Variants in KAZN observed in about 807,000 individuals in gnomAD.
The protein encoded by KAZN is kazrin, periplakin interacting protein.
KAZN carries 40 observed loss-of-function variants against 87.4 expected under a neutral mutation model. That is an observed-to-expected ratio of 0.46 (90% CI 0.36 to 0.60). KAZN has a LOEUF of 0.60. Ranked by LOEUF, KAZN falls within the 20% of genes least tolerant of loss-of-function variation. The pLI is 0.00. For missense variants in KAZN, 898 were observed against 1,073.9 expected (o/e 0.84, Z 2.29); for synonymous variants, 466 against 458.3 (o/e 1.02, Z -0.22).
At chr1:15,004,784 G>T (rs556022462) in intron 2 of KAZN, among the ~76,000 whole-genome samples, 3 of 152,072 alleles carry the variant, frequency 2.0e-5, no homozygotes, top group African/African-American at 7.2e-5. Flanking sequence ...CATTGACCAG[G>T]TGAGCAAGTC....
At chr1:14,512,773 T>G (rs1298791851) in intron 2 of KAZN, among the ~76,000 whole-genome samples, 3 of 150,536 alleles carry the variant, frequency 2.0e-5, no homozygotes, top group Admixed American at 2.0e-4. Context: ...GGAGATAAAG[T>G]CAAAGAGCAG....
chr1:14,545,216 G>T (rs1428848730), intron 2 of KAZN, among the ~76,000 whole-genome samples: 2 of 152,194 alleles, frequency 1.3e-5, no homozygotes, highest in Non-Finnish European at 2.9e-5. Context: ...TCTGGATCAT[G>T]TCAATTTCCA....
chr1:14,223,347 C>A (rs1490856559), intron 2 of KAZN, among the ~76,000 whole-genome samples: 1 of 152,194 alleles, frequency 6.6e-6, no homozygotes, highest in South Asian at 2.1e-4. Context: ...TTTTTCCTGG[C>A]ACAGGCTGTG....
At chr1:14,122,862 T>C (rs944492818) in intron 1 of KAZN, among the ~76,000 whole-genome samples, 2 of 152,220 alleles carry the variant, frequency 1.3e-5, no homozygotes, top group Non-Finnish European at 1.5e-5. Context: ...TATGTTCTAC[T>C]AGATTAAAAC....
chr1:14,301,840 C>T (rs939069274), intron 2 of KAZN, among the ~76,000 whole-genome samples: 1 of 152,202 alleles, frequency 6.6e-6, no homozygotes, highest in Admixed American at 6.5e-5. Flanking sequence ...CAAAAGTCAC[C>T]TCCTCCGAGA....
intron 2 of KAZN, among the ~76,000 whole-genome samples, chr1:14,997,206 TTTATTTATTTA>T (rs1557699077): frequency 0.1 from 2,420 of 23,852 alleles, 81 homozygotes; most frequent in African/African-American, 0.13. Context: ...CTTTCTTTCA[TTTATTTATTTA>T]TTTATTTATT....
chr1:13,984,103 C>T (rs1460220826), intron 1 of KAZN, among the ~76,000 whole-genome samples: 1 of 152,112 alleles, frequency 6.6e-6, no homozygotes, highest in Non-Finnish European at 1.5e-5. Flanking sequence ...CTCTGCCTCC[C>T]AGATTCACGC....
chr1:14,716,459 T>C (rs747647919), intron 1 of KAZN, among the ~76,000 whole-genome samples: 25 of 152,150 alleles, frequency 1.6e-4, no homozygotes, highest in Admixed American at 9.8e-4. Context: ...TTCACATCTG[T>C]CTGTTTCATT....
intron 2 of KAZN, among the ~76,000 whole-genome samples, chr1:14,474,934 A>G (rs1002094969): frequency 7.9e-5 from 12 of 152,326 alleles, no homozygotes; most frequent in African/African-American, 2.9e-4. Context: ...AAATAGATTC[A>G]TCAATGGATA....
At chr1:14,707,698 G>A (rs1404907271) in intron 1 of KAZN, among the ~76,000 whole-genome samples, 1 of 152,094 alleles carries the variant, frequency 6.6e-6, no homozygotes, top group African/African-American at 2.4e-5. Flanking sequence ...ATATTTGTTT[G>A]TTTGTCGTGT....
chr1:14,421,772 TTC>T (rs1665442039), intron 2 of KAZN, among the ~76,000 whole-genome samples: 1 of 152,106 alleles, frequency 6.6e-6, no homozygotes, highest in South Asian at 2.1e-4. Flanking sequence ...ACCACAAAAT[TTC>T]TCTCGGAGTT....
intron 13 of KAZN, among the ~76,000 whole-genome samples, chr1:15,104,559 G>A (rs79601879): frequency 0.038 from 5,793 of 152,274 alleles, 170 homozygotes; most frequent in Middle Eastern, 0.061. Flanking sequence ...GAGTTGGTTG[G>A]TCCAGGTGGG....
intron 2 of KAZN, among the ~76,000 whole-genome samples, chr1:15,028,069 G>A (rs1345803903): frequency 6.6e-6 from 1 of 152,254 alleles, no homozygotes; most frequent in East Asian, 1.9e-4. Context: ...TCGGTCTTTC[G>A]CCTGGGAGGG....
chr1:14,552,645 AT>A (rs1363697539), intron 2 of KAZN, among the ~76,000 whole-genome samples: 1 of 152,204 alleles, frequency 6.6e-6, no homozygotes, highest in Non-Finnish European at 1.5e-5. Flanking sequence ...GAATGCCTCC[AT>A]GCAAGTCTGG....
chr1:15,036,363 C>T, intron 3 of KAZN, among the ~76,000 whole-genome samples: 1 of 58,674 alleles, frequency 1.7e-5, no homozygotes, highest in African/African-American at 9.5e-5. Context: ...CTCGGCCCAG[C>T]CCTCCCCTGC....
At chr1:14,777,417 C>A (rs1645212868) in intron 1 of KAZN, among the ~76,000 whole-genome samples, 1 of 152,132 alleles carries the variant, frequency 6.6e-6, no homozygotes, top group Non-Finnish European at 1.5e-5. Flanking sequence ...AGTGCCCTTG[C>A]GTATAAGCAC....
At chr1:14,670,648 T>C (rs1221751744) in intron 1 of KAZN, among the ~76,000 whole-genome samples, 1 of 152,218 alleles carries the variant, frequency 6.6e-6, no homozygotes, top group African/African-American at 2.4e-5. Context: ...GCCCGATTCA[T>C]ACCAAGAATT....
At chr1:14,294,355 G>A (rs2100756949) in intron 2 of KAZN, among the ~76,000 whole-genome samples, 1 of 152,188 alleles carries the variant, frequency 6.6e-6, no homozygotes, top group East Asian at 1.9e-4. Context: ...TCCAAGGAGT[G>A]GAGACCCACT....
intron 1 of KAZN, among the ~76,000 whole-genome samples, chr1:14,172,618 A>C (rs1645978158): frequency 6.6e-6 from 1 of 152,246 alleles, no homozygotes; most frequent in African/African-American, 2.4e-5. Context: ...ATACCTTATT[A>C]TGCTCTCAGC....
Sources: gnomAD v4.1 joint callset for allele counts (sites outside exome capture counted in the v4.1 genomes callset) on GRCh38, gnomAD v4.1.1 for gene constraint, MANE v1.5 for transcripts, NCBI Gene and HGNC (gene_info 2026-07-23, HGNC 2026-07-21) for gene names.